The following CCSER1 variants were observed in gnomAD, a reference collection of about 807,000 sequenced individuals.
CCSER1 encodes coiled-coil serine rich protein 1.
In CCSER1, 41 loss-of-function variants were observed where a neutral mutation model predicts 82.0. The ratio of observed to expected loss-of-function variants is 0.50; its 90% CI spans 0.39 to 0.65. The LOEUF is 0.65. Ranked by LOEUF, CCSER1 falls within the 30% of genes least tolerant of loss-of-function variation. The pLI is 0.00. For synonymous variants in CCSER1, 414 were observed against 383.9 expected (o/e 1.08, Z -0.92); for missense variants, 1,119 against 1,064.2 (o/e 1.05, Z -0.72).
Position 90,746,215 on chromosome 4 carries a change from T to C in CCSER1, c.2010+22224T>C, listed in dbSNP as rs538591328. Among the ~76,000 whole-genome samples, 5 of 152,334 alleles carry C rather than the reference T, an allele frequency of 3.3e-5. No individual in the cohort carries two copies. The South Asian group carries it at 1.0e-3, about 32-fold the overall frequency. On this transcript the variant is annotated intron_variant, in intron 7 of 10. Coordinates refer to ENST00000509176, the MANE Select transcript of CCSER1 (RefSeq NM_001145065.2). The stretch of plus-strand genomic sequence containing the variant: ...ATGCAAATGTTCTTAAAGGCAGATA[T>C]ATTTTATATTCTTTATATTCCCTAT...
chr4:90,595,032 C>T (rs80322308), intron 5 of CCSER1, among the ~76,000 whole-genome samples: 1,632 of 151,940 alleles, frequency 0.011, 37 homozygotes, highest in African/African-American at 0.037. Flanking sequence ...TTGATTTCAT[C>T]GATCTATTAA....
intron 10 of CCSER1, among the ~76,000 whole-genome samples, chr4:91,147,588 G>A (rs906984204): frequency 2.6e-5 from 4 of 152,230 alleles, no homozygotes; most frequent in African/African-American, 9.6e-5. Context: ...CTTAGGCAGT[G>A]TGCTTGAATT....
At chr4:90,290,671 C>G (rs192509302) in intron 1 of CCSER1, among the ~76,000 whole-genome samples, 2 of 151,998 alleles carry the variant, frequency 1.3e-5, no homozygotes, top group Admixed American at 6.6e-5. Flanking sequence ...TTGCTAGTGG[C>G]TGCATTTTTT....
chr4:90,532,003 GTATATA>G (rs374729389), intron 5 of CCSER1, among the ~76,000 whole-genome samples: 1 of 150,948 alleles, frequency 6.6e-6, no homozygotes, highest in Non-Finnish European at 1.5e-5. Flanking sequence ...GATTTTAAGA[GTATATA>G]TATATATAAT....
Position 90,813,414 on chromosome 4 carries a change from C to T in CCSER1, c.2011-2348C>T, listed in dbSNP as rs115259269. ...GTGGCTCTGTGGGGTATATCCCCTGCGGCTCCTTTCACAGCCTGGTGGTGA... is the reference window on the plus strand; with the variant it reads ...GTGGCTCTGTGGGGTATATCCCCTGTGGCTCCTTTCACAGCCTGGTGGTGA... On this transcript the variant is annotated intron_variant, in intron 7 of 10. Coordinates refer to ENST00000509176, the MANE Select transcript of CCSER1 (RefSeq NM_001145065.2). Among the ~76,000 whole-genome samples, 387 of 152,298 alleles carry T rather than the reference C, an allele frequency of 2.5e-3. 2 individuals carry two copies. Among genetic ancestry groups the T allele is most frequent in the African/African-American group, 8.9e-3 (368 of 41,570 alleles).
intron 10 of CCSER1, among the ~76,000 whole-genome samples, chr4:91,560,820 C>T (rs984939002): frequency 3.3e-5 from 5 of 151,166 alleles, no homozygotes; most frequent in African/African-American, 1.2e-4. Flanking sequence ...GATTACTTCA[C>T]GTGATACCTA....
At position 91,435,459 on chromosome 4, in the gene CCSER1, C is replaced by G. The variant is rs567515942; in HGVS notation, c.2218-163113C>G. ...CTGTCTCAAAAAAAAAAAAATGTAT[C>G]TAAACATTTAGAAAATTCAAAATGC... On this transcript the variant is annotated intron_variant, in intron 10 of 10. Coordinates refer to ENST00000509176, the MANE Select transcript of CCSER1 (RefSeq NM_001145065.2). Among the ~76,000 whole-genome samples, 32 of 151,404 alleles carry G rather than the reference C, an allele frequency of 2.1e-4. No individual in the cohort carries two copies. The South Asian group carries it at 6.1e-3, about 29-fold the overall frequency.
rs141824382 is a variant in CCSER1 at position 90,883,240 on chromosome 4, C to T, written c.2095-40130C>T. ...GGCAATAGTAAACTAAAGATAACAA[C>T]TACAGGTTGTTTCCATAGACCTAGT... On this transcript the variant is annotated intron_variant, in intron 8 of 10. Coordinates refer to ENST00000509176, the MANE Select transcript of CCSER1 (RefSeq NM_001145065.2). Among the ~76,000 whole-genome samples, 714 of 152,160 alleles carry T rather than the reference C, an allele frequency of 4.7e-3. 8 individuals carry two copies. Among genetic ancestry groups the T allele is most frequent in the Non-Finnish European group, 8.2e-3 (557 of 67,988 alleles).
chr4:91,419,055 C>T (rs959075352), intron 10 of CCSER1, among the ~76,000 whole-genome samples: 1 of 151,770 alleles, frequency 6.6e-6, no homozygotes, highest in Admixed American at 6.6e-5. Flanking sequence ...TAACAACTGT[C>T]AACAAATTAG....
chr4:90,367,907 A>C (rs1291742098), intron 3 of CCSER1, among the ~76,000 whole-genome samples: 4 of 151,980 alleles, frequency 2.6e-5, no homozygotes, highest in Non-Finnish European at 5.9e-5. Flanking sequence ...CTATTTACTA[A>C]TATAGAAAAT....
chr4:91,024,838 A>C (rs1401804042), intron 9 of CCSER1, among the ~76,000 whole-genome samples: 1 of 152,126 alleles, frequency 6.6e-6, no homozygotes, highest in Non-Finnish European at 1.5e-5. Flanking sequence ...ACTTTAAAAA[A>C]TTGAAGGTTA....
chr4:91,482,275 A>G (rs3960219), intron 10 of CCSER1, among the ~76,000 whole-genome samples: 47,998 of 66,656 alleles, frequency 0.72, 18,125 homozygotes, highest in East Asian at 0.87. Flanking sequence ...GGTGGCAGGC[A>G]CCTGTAGTCC....
Position 91,076,331 on chromosome 4 carries a change from G to GTT in CCSER1, c.2173-9608_2173-9607dup, listed in dbSNP as rs60135071. The stretch of plus-strand genomic sequence containing the variant: ...TTTCATTCCATATTCCAACCATGCA[G>GTT]TTTTTTTTTTTTCCACTAAATGCTT... On this transcript the variant is annotated intron_variant, in intron 9 of 10. Transcript: ENST00000509176. Among the ~76,000 whole-genome samples the GTT allele has an allele frequency of 8.3e-3, 1,225 of 147,668 alleles. 12 individuals carry two copies. Among genetic ancestry groups the GTT allele is most frequent in the African/African-American group, 0.029 (1,177 of 40,326 alleles).
At chr4:90,179,095 T>C (rs558984319) in intron 1 of CCSER1, among the ~76,000 whole-genome samples, 9 of 152,322 alleles carry the variant, frequency 5.9e-5, no homozygotes, top group African/African-American at 1.9e-4. Flanking sequence ...TAGTTAGTTT[T>C]ATATAGCTGT....
chr4:91,082,178 C>T (rs62312170), intron 9 of CCSER1, among the ~76,000 whole-genome samples: 43,262 of 152,066 alleles, frequency 0.28, 7,703 homozygotes, highest in East Asian at 0.45. Flanking sequence ...TACAAGGCTA[C>T]AGTAACCAAA....
At chr4:90,642,907 TA>T (rs1432110308) in intron 6 of CCSER1, among the ~76,000 whole-genome samples, 2 of 143,894 alleles carry the variant, frequency 1.4e-5, no homozygotes, top group African/African-American at 5.2e-5. Flanking sequence ...TTTTTTTTTT[TA>T]AAGTAAAAGT....
At chr4:91,066,014 A>ATTTTC (rs1720773400) in intron 9 of CCSER1, among the ~76,000 whole-genome samples, 2 of 152,066 alleles carry the variant, frequency 1.3e-5, no homozygotes, top group South Asian at 4.1e-4. Flanking sequence ...TTTAATTAAA[A>ATTTTC]TTTTCTTTGC....
intron 7 of CCSER1, among the ~76,000 whole-genome samples, chr4:90,769,382 A>G (rs1293809281): frequency 6.6e-6 from 1 of 152,188 alleles, no homozygotes; most frequent in Non-Finnish European, 1.5e-5. Context: ...TTATGCTGAT[A>G]GGGAGTAGAC....
At position 91,543,780 on chromosome 4, in the gene CCSER1, T is replaced by C. The variant is rs997459397; in HGVS notation, c.2218-54792T>C. Among the ~76,000 whole-genome samples the C allele has an allele frequency of 2.6e-5, 4 of 152,180 alleles. No homozygotes were observed. The East Asian group carries it at 7.7e-4, about 29-fold the overall frequency. On this transcript the variant is annotated intron_variant, in intron 10 of 10. Transcript: ENST00000509176. ...TGGTGAATCTGACAATTATGTGTCT[T>C]GGAGTTGCTCTTCTCGAGGAGTATC... is the stretch of plus-strand genomic sequence containing the variant.
Sources: gnomAD v4.1 joint callset for allele counts (sites outside exome capture counted in the v4.1 genomes callset) on GRCh38, gnomAD v4.1.1 for gene constraint, MANE v1.5 for transcripts, NCBI Gene and HGNC (gene_info 2026-07-23, HGNC 2026-07-21) for gene names.